Variants in SEC14L1 observed in about 807,000 individuals in gnomAD.
SEC14L1 encodes the protein SEC14-like protein 1.
Under a neutral mutation model 85.3 loss-of-function variants are expected in SEC14L1, and 48 were observed. The observed-to-expected ratio is 0.56, with a 90% CI of 0.45 to 0.72. SEC14L1 has a LOEUF of 0.72. Among genes scored for constraint, SEC14L1 ranks in the 30% least tolerant of loss-of-function variants. The pLI is 0.00. For synonymous variants in SEC14L1, 391 were observed against 355.5 expected (o/e 1.10, Z -1.12); for missense variants, 682 against 921.4 (o/e 0.74, Z 3.36).
chr17:77,146,762 A>G (rs1218364510), intron 3 of SEC14L1, among the ~76,000 whole-genome samples: 1 of 152,172 alleles, frequency 6.6e-6, no homozygotes, highest in African/African-American at 2.4e-5. Context: ...CCTGTAGTAT[A>G]AAGAAAACAT....
At chr17:77,106,667 AAAAT>A (rs896527118) in intron 3 of SEC14L1, among the ~76,000 whole-genome samples, 12 of 151,432 alleles carry the variant, frequency 7.9e-5, no homozygotes, top group Admixed American at 1.3e-4. Context: ...TCCATCTCAA[AAAAT>A]AAATAAATAA....
intron 3 of SEC14L1, 99 bp from the exon 4 acceptor site, chr17:77,190,704 G>C: frequency 1.6e-6 from 2 of 1,231,512 alleles, no homozygotes; most frequent in Admixed American, 2.0e-5. Flanking sequence ...GCCTGTTGCC[G>C]TGCACCGAGA....
chr17:77,166,531 T>G (rs372272852), intron 3 of SEC14L1, among the ~76,000 whole-genome samples: 28 of 152,174 alleles, frequency 1.8e-4, no homozygotes, highest in African/African-American at 6.8e-4. Context: ...GAAACACTTA[T>G]GTCATGGAAA....
intron 9 of SEC14L1, among the ~76,000 whole-genome samples, chr17:77,201,898 T>C (rs1428618599): frequency 1.3e-5 from 2 of 152,134 alleles, no homozygotes; most frequent in Non-Finnish European, 2.9e-5. Context: ...AGGTGACAAA[T>C]ACAAGATAAA....
At chr17:77,138,654 C>T (rs954815881), upstream of SEC14L1, among the ~76,000 whole-genome samples, 61 of 151,966 alleles carry the variant, frequency 4.0e-4, no homozygotes, top group Non-Finnish European at 1.6e-4. Context: ...CAAAAAAAAC[C>T]TAAGGAAAAA....
chr17:77,129,143 G>A (rs965913098), intron 3 of SEC14L1, among the ~76,000 whole-genome samples: 2 of 152,084 alleles, frequency 1.3e-5, no homozygotes, highest in Non-Finnish European at 2.9e-5. Context: ...AGAACATTCC[G>A]GAGGCAAAGC....
chr17:77,105,450 ATAT>A (rs1971893119), intron 3 of SEC14L1, among the ~76,000 whole-genome samples: 1 of 144,094 alleles, frequency 6.9e-6, no homozygotes, highest in African/African-American at 2.6e-5. Context: ...TAAGTCTGTA[ATAT>A]TATAAATTGT....
intron 3 of SEC14L1, among the ~76,000 whole-genome samples, chr17:77,104,120 CTT>C (rs1182648184): frequency 2.4e-4 from 33 of 134,828 alleles, no homozygotes; most frequent in Admixed American, 3.7e-4. Flanking sequence ...TTTGTATTTA[CTT>C]TTTTTTTTTT....
chr17:77,196,999 A>T (rs559451232), intron 8 of SEC14L1, among the ~76,000 whole-genome samples: 6 of 152,178 alleles, frequency 3.9e-5, no homozygotes, highest in Non-Finnish European at 7.3e-5. Flanking sequence ...CTGGTTTTAC[A>T]CGTGAGGAAA....
intron 15 of SEC14L1, 51 bp downstream of exon 15, chr17:77,212,252 GTGATTCTGTCT>G: frequency 6.9e-6 from 11 of 1,598,666 alleles, no homozygotes; most frequent in Non-Finnish European, 9.4e-6. Context: ...ACACGGCCAG[GTGATTCTGTCT>G]TGAGTAGACT....
chr17:77,163,296 A>G (rs1365306259), intron 3 of SEC14L1, among the ~76,000 whole-genome samples: 1 of 152,174 alleles, frequency 6.6e-6, no homozygotes, highest in African/African-American at 2.4e-5. Flanking sequence ...CCCCGGGATT[A>G]TCTTGAAGGC....
intron 3 of SEC14L1, among the ~76,000 whole-genome samples, chr17:77,111,690 C>T (rs1972052087): frequency 6.6e-6 from 1 of 152,166 alleles, no homozygotes; most frequent in Non-Finnish European, 1.5e-5. Context: ...CTTTGTTTTA[C>T]CCAATTTCTT....
chr17:77,171,947 T>A (rs73376385), intron 3 of SEC14L1, among the ~76,000 whole-genome samples: 4,420 of 152,292 alleles, frequency 0.029, 210 homozygotes, highest in African/African-American at 0.1. Context: ...CATAGAGGTC[T>A]GGGTTTAATT....
chr17:77,189,286 C>G (rs1259235660), intron 3 of SEC14L1, among the ~76,000 whole-genome samples: 1 of 152,122 alleles, frequency 6.6e-6, no homozygotes, highest in Non-Finnish European at 1.5e-5. Flanking sequence ...AGTGACTTCC[C>G]TTGTAAAGGT....
rs113197540 is a variant in SEC14L1 at position 77,163,459 on chromosome 17, C to T, written c.63+19800C>T. ...ATGAGTTTTCAAAACAGTATGTCAC[C>T]TTTCTTTCTTTTCTTTCTTTTTCTC... On this transcript the variant is annotated intron_variant, in intron 3 of 16. Coordinates refer to ENST00000436233, the MANE Select transcript of SEC14L1 (RefSeq NM_001143998.2). Among the ~76,000 whole-genome samples the T allele has an allele frequency of 3.5e-3, 527 of 151,868 alleles. 1 individual carries two copies. Among genetic ancestry groups the T allele is most frequent in the African/African-American group, 0.012 (491 of 41,400 alleles).
At chr17:77,109,411 G>A (rs1971998633) in intron 3 of SEC14L1, among the ~76,000 whole-genome samples, 1 of 152,196 alleles carries the variant, frequency 6.6e-6, no homozygotes, top group Non-Finnish European at 1.5e-5. Flanking sequence ...CCAAGTTACT[G>A]TTTGTTGTAA....
chr17:77,206,429 G>A lies in SEC14L1; in HGVS notation c.1341+29G>A. On this transcript the variant is annotated intron_variant, in intron 12 of 16. Coordinates refer to ENST00000436233, the MANE Select transcript of SEC14L1 (RefSeq NM_001143998.2). This position sits in a 1 kb window ranked among gnomAD's most constrained non-coding sequence, Gnocchi z 4.3. ...GGTTGAGATGCTTTTTGCAGTAACT[G>A]TGAGCCATTTGGAAAGCAGATAACA... 6.2e-7 allele frequency: 1 copy of A among 1,601,322 alleles called. No individual in the cohort carries two copies. Among genetic ancestry groups the A allele is most frequent in the South Asian group, 1.1e-5 (1 of 90,410 alleles).
At chr17:77,168,132 C>T (rs140097577) in intron 3 of SEC14L1, among the ~76,000 whole-genome samples, 13 of 152,132 alleles carry the variant, frequency 8.5e-5, no homozygotes, top group East Asian at 1.9e-4. Flanking sequence ...CATTACGGTA[C>T]GGGGCATGTC....
chr17:77,152,235 G>A (rs1973591436), intron 3 of SEC14L1, among the ~76,000 whole-genome samples: 1 of 152,018 alleles, frequency 6.6e-6, no homozygotes, highest in Admixed American at 6.6e-5. Context: ...CATAGAGACT[G>A]TCAGAAATGG....
Sources: allele counts gnomAD v4.1 joint callset (sites outside exome capture counted in the v4.1 genomes callset), GRCh38; gene constraint gnomAD v4.1.1; non-coding constraint Gnocchi (gnomAD v3.1); transcripts MANE v1.5; gene names NCBI Gene and HGNC (gene_info 2026-07-23, HGNC 2026-07-21).